The following PCDHGA7 variants were observed in gnomAD, a reference collection of about 807,000 sequenced individuals.
PCDHGA7 encodes the protein protocadherin gamma-A7.
Under a neutral mutation model 58.3 loss-of-function variants are expected in PCDHGA7, and 44 were observed. That is an observed-to-expected ratio of 0.75 (90% confidence interval 0.59 to 0.97). PCDHGA7 has a LOEUF of 0.97. Among genes scored for constraint, PCDHGA7 ranks in the 50% least tolerant of loss-of-function variants. The probability of loss-of-function intolerance (pLI) is 0.00; values close to 1 mark genes in which losing one functional copy is unlikely to be tolerated. For synonymous variants in PCDHGA7, 516 were observed against 504.2 expected (o/e 1.02, Z -0.31); for missense variants, 1,266 against 1,188.7 (o/e 1.06, Z -0.96).
At position 141,476,903 on chromosome 5, in the gene PCDHGA7, G is replaced by C; in HGVS notation, c.2425-17904G>C. On this transcript the variant is annotated intron_variant, in intron 1 of 3. Transcript: ENST00000518325. The surrounding 1 kb of genome is among the most constrained non-coding windows in gnomAD (Gnocchi z 7.6). Reference sequence around the variant, plus strand: ...GGAGGATGCACCCTCCGGCACGCGCGTGGTACAAGTCCTTGCAACGGATCT... The same window carrying C: ...GGAGGATGCACCCTCCGGCACGCGCCTGGTACAAGTCCTTGCAACGGATCT... The C allele has an allele frequency of 1.2e-6, 2 of 1,614,018 alleles. No individual in the cohort carries two copies. Among genetic ancestry groups the C allele is most frequent in the Non-Finnish European group, 1.7e-6 (2 of 1,180,044 alleles).
chr5:141,471,926 G>A (rs2099266798), intron 1 of PCDHGA7, among the ~76,000 whole-genome samples: 2 of 152,110 alleles, frequency 1.3e-5, no homozygotes. Flanking sequence ...AATTTTGGGG[G>A]TGATGAGAGT....
intron 1 of PCDHGA7, among the ~76,000 whole-genome samples, chr5:141,446,758 C>A (rs776925316): frequency 6.6e-6 from 1 of 152,326 alleles, no homozygotes; most frequent in Non-Finnish European, 1.5e-5. Flanking sequence ...TGAGCCACCG[C>A]GCCCAGCCGG....
At chr5:141,414,878 A>G in intron 1 of PCDHGA7, 2 of 1,614,026 alleles carry the variant, frequency 1.2e-6, no homozygotes, top group Non-Finnish European at 1.7e-6. Context: ...GAGATCCTGT[A>G]CCCCGCCCTC....
intron 1 of PCDHGA7, chr5:141,428,594 G>T (rs1317075888): frequency 4.4e-6 from 1 of 227,916 alleles, no homozygotes; most frequent in Admixed American, 5.2e-5. Context: ...CTGGTAGCAA[G>T]CTTCACTGAA....
At chr5:141,387,604 T>C (rs2091008879) in intron 1 of PCDHGA7, 2 of 547,084 alleles carry the variant, frequency 3.7e-6, no homozygotes, top group Non-Finnish European at 6.4e-6. Flanking sequence ...CAGCAGAGGC[T>C]GTAGTTTCCT....
At chr5:141,438,396 ACT>A (rs2097958956) in intron 1 of PCDHGA7, among the ~76,000 whole-genome samples, 2 of 150,930 alleles carry the variant, frequency 1.3e-5, no homozygotes, top group African/African-American at 4.9e-5. Context: ...TTCATCATTA[ACT>A]CTCTGAAGTA....
chr5:141,484,930 G>A (rs992641330), intron 1 of PCDHGA7: 2 of 501,452 alleles, frequency 4.0e-6, no homozygotes, highest in South Asian at 2.6e-5. Flanking sequence ...CTGCTGTTGG[G>A]ACGTTCTCTG....
At chr5:141,392,782 A>G (rs1375306296) in intron 1 of PCDHGA7, 1 of 1,540,122 alleles carries the variant, frequency 6.5e-7, no homozygotes, top group Non-Finnish European at 8.7e-7. Context: ...TGCACAGTGA[A>G]GATTCTGAGA....
intron 1 of PCDHGA7, among the ~76,000 whole-genome samples, chr5:141,455,899 ATTT>A (rs1561962776): frequency 1.3e-5 from 2 of 148,258 alleles, no homozygotes; most frequent in Non-Finnish European, 3.0e-5. Flanking sequence ...TTATTTATTT[ATTT>A]ATTTATTTAT....
chr5:141,463,938 T>A (rs1378018670), intron 1 of PCDHGA7, among the ~76,000 whole-genome samples: 3 of 152,168 alleles, frequency 2.0e-5, no homozygotes, highest in Non-Finnish European at 4.4e-5. Context: ...TATAAATTTA[T>A]AGAAATCTTC....
chr5:141,474,244 A>G (rs910247549), intron 1 of PCDHGA7, among the ~76,000 whole-genome samples: 26 of 152,270 alleles, frequency 1.7e-4, no homozygotes, highest in Non-Finnish European at 3.2e-4. Context: ...TGAATAGGGG[A>G]AAAAAAGACT....
At chr5:141,393,523 A>G in intron 1 of PCDHGA7, 1 of 1,614,018 alleles carries the variant, frequency 6.2e-7, no homozygotes, top group East Asian at 2.2e-5. Flanking sequence ...GATACAAATG[A>G]CAATGCCCCG....
intron 1 of PCDHGA7, chr5:141,416,389 T>A (rs2096020280): frequency 6.6e-6 from 1 of 152,236 alleles, no homozygotes; most frequent in Non-Finnish European, 1.5e-5. Context: ...TATTTGGGAT[T>A]CTGCTTTTGT....
At chr5:141,399,196 G>A (rs201540226) in intron 1 of PCDHGA7, 2 of 1,613,938 alleles carry the variant, frequency 1.2e-6, no homozygotes, top group Non-Finnish European at 1.7e-6. Flanking sequence ...GGAAAACGCG[G>A]TGCCTGGAAC....
intron 1 of PCDHGA7, chr5:141,394,617 G>T (rs369651266): frequency 8.1e-6 from 13 of 1,613,372 alleles, no homozygotes; most frequent in Non-Finnish European, 1.1e-5. Flanking sequence ...GGGCCAGAAC[G>T]CCTGGCTGTC....
rs183531575 is a variant in PCDHGA7 at position 141,469,308 on chromosome 5, G to A, written c.2425-25499G>A. Among the ~76,000 whole-genome samples the A allele has an allele frequency of 2.5e-3, 379 of 152,184 alleles. 1 individual carries two copies. The highest frequency in any genetic ancestry group is 5.8e-3 in the South Asian group (28 of 4,814). On this transcript the variant is annotated intron_variant, in intron 1 of 3. Transcript: ENST00000518325. ...TAAAACAAAATAGACTGGGCACGAT[G>A]GCTCACGCCTGTAATCCCACCACTT...
At chr5:141,467,514 T>C (rs2154569535) in intron 1 of PCDHGA7, among the ~76,000 whole-genome samples, 1 of 152,362 alleles carries the variant, frequency 6.6e-6, no homozygotes, top group South Asian at 2.1e-4. Flanking sequence ...TTGGAGTTTA[T>C]TCTTTTGTGT....
At chr5:141,394,471 T>C (rs2093007845) in intron 1 of PCDHGA7, 3 of 1,614,250 alleles carry the variant, frequency 1.9e-6, no homozygotes, top group Non-Finnish European at 2.5e-6. Flanking sequence ...CTGTTCGTGC[T>C]GGACCAGAAT....
At chr5:141,415,560 GT>G in intron 1 of PCDHGA7, 1 of 1,613,936 alleles carries the variant, frequency 6.2e-7, no homozygotes, top group Non-Finnish European at 8.5e-7. Flanking sequence ...ACGATCCTTT[GT>G]CTTTGTTAGA....
Sources: allele counts gnomAD v4.1 joint callset (sites outside exome capture counted in the v4.1 genomes callset), GRCh38; gene constraint gnomAD v4.1.1; non-coding constraint Gnocchi (gnomAD v3.1); transcripts MANE v1.5; gene names NCBI Gene and HGNC (gene_info 2026-07-23, HGNC 2026-07-21).